The following CNBD1 variants were observed in gnomAD, a reference collection of about 807,000 sequenced individuals.
The protein encoded by CNBD1 is cyclic nucleotide binding domain containing 1.
Under a neutral mutation model 54.4 loss-of-function variants are expected in CNBD1, and 71 were observed. That is an observed-to-expected ratio of 1.30 (90% CI 1.08 to 1.59). The LOEUF (loss-of-function observed/expected upper bound fraction) is 1.59. CNBD1 is among the 40% of genes most tolerant of loss of function. The pLI is 0.00. For missense variants in CNBD1, 659 were observed against 518.0 expected (o/e 1.27, Z -2.64); for synonymous variants, 182 against 170.7 (o/e 1.07, Z -0.51).
chr8:86,976,017 G>T (rs146178549), intron 4 of CNBD1, among the ~76,000 whole-genome samples: 135 of 151,382 alleles, frequency 8.9e-4, no homozygotes, highest in Middle Eastern at 3.4e-3. Context: ...TGTTGACCAC[G>T]CATATTTTTT....
intron 4 of CNBD1, among the ~76,000 whole-genome samples, chr8:86,984,314 C>T (rs35366632): frequency 0.046 from 7,057 of 152,212 alleles, 289 homozygotes; most frequent in East Asian, 0.17. Context: ...AAGTTTGCCA[C>T]AGGGGTGGGG....
chr8:86,916,849 A>G (rs1327818558), intron 3 of CNBD1, among the ~76,000 whole-genome samples: 1 of 148,016 alleles, frequency 6.8e-6, no homozygotes, highest in Non-Finnish European at 1.5e-5. Context: ...GATTACAGGT[A>G]CCCACCACCA....
chr8:87,155,297 A>T (rs577792316), intron 4 of CNBD1, among the ~76,000 whole-genome samples: 1 of 152,258 alleles, frequency 6.6e-6, no homozygotes, highest in South Asian at 2.1e-4. Flanking sequence ...TATCCTGTAG[A>T]TAATTGGGAA....
chr8:87,187,270 ATATC>A (rs942643625), intron 4 of CNBD1, among the ~76,000 whole-genome samples: 5 of 151,954 alleles, frequency 3.3e-5, no homozygotes, highest in East Asian at 3.9e-4. Flanking sequence ...ATTTATTCCT[ATATC>A]TATCTACCTA....
intron 2 of CNBD1, among the ~76,000 whole-genome samples, chr8:87,399,112 T>A (rs1285821930): frequency 6.6e-6 from 1 of 152,232 alleles, no homozygotes; most frequent in Non-Finnish European, 1.5e-5. Flanking sequence ...TATTTCTGTT[T>A]TATTTTCATG....
chr8:87,408,467 T>G lies in CNBD1; in HGVS notation c.214-20079T>G, dbSNP rs368326798. Reference sequence around the variant, plus strand: ...ACAAGTGAAATAACAGAATTCCAACTCACATTACTTAAACTTGATATTCTA... The same window carrying G: ...ACAAGTGAAATAACAGAATTCCAACGCACATTACTTAAACTTGATATTCTA... On this transcript the variant is annotated intron_variant, in intron 2 of 7. Transcript: ENST00000521593. Among the ~76,000 whole-genome samples, 14 of 152,148 alleles carry G rather than the reference T, an allele frequency of 9.2e-5. No homozygotes were observed. The East Asian group carries it at 1.7e-3, about 19-fold the overall frequency.
At chr8:86,872,822 C>A (rs1326148652) in intron 1 of CNBD1, among the ~76,000 whole-genome samples, 3 of 152,074 alleles carry the variant, frequency 2.0e-5, no homozygotes, top group Non-Finnish European at 4.4e-5. Context: ...TTGGATATTA[C>A]CCCCTTATCA....
chr8:87,426,020 G>T (rs940667956), intron 2 of CNBD1, among the ~76,000 whole-genome samples: 1 of 152,218 alleles, frequency 6.6e-6, no homozygotes, highest in African/African-American at 2.4e-5. Flanking sequence ...TAATCTCGTG[G>T]TGCACCGTTT....
rs908609678 is a variant in CNBD1 at position 87,024,003 on chromosome 8, C to T, written c.431+84249C>T. Among the ~76,000 whole-genome samples, 97 of 151,864 alleles carry T rather than the reference C, an allele frequency of 6.4e-4. 1 individual carries two copies. The highest frequency in any genetic ancestry group is 7.9e-4 in the Non-Finnish European group (54 of 67,980). ...CTGTAATCCCAGAACTTTGGGAGGCCGAGGCGGGTGGATCACGAGGTCTGG... is the reference window on the plus strand; with the variant it reads ...CTGTAATCCCAGAACTTTGGGAGGCTGAGGCGGGTGGATCACGAGGTCTGG... On this transcript the variant is annotated intron_variant, in intron 4 of 10. Coordinates refer to ENST00000518476, the MANE Select transcript of CNBD1 (RefSeq NM_173538.3).
At chr8:87,297,952 C>A (rs1354244566) in intron 8 of CNBD1, among the ~76,000 whole-genome samples, 2 of 151,394 alleles carry the variant, frequency 1.3e-5, no homozygotes, top group East Asian at 1.9e-4. Context: ...ATTCTCCCTA[C>A]ATATTCTATA....
intron 4 of CNBD1, among the ~76,000 whole-genome samples, chr8:87,036,250 T>C (rs1809940727): frequency 6.6e-6 from 1 of 152,206 alleles, no homozygotes; most frequent in African/African-American, 2.4e-5. Flanking sequence ...CTTCCTCGTA[T>C]TTTAAAAAAT....
chr8:87,261,986 A>G (rs1204046707), intron 6 of CNBD1, among the ~76,000 whole-genome samples: 19 of 151,446 alleles, frequency 1.3e-4, no homozygotes, highest in Admixed American at 1.2e-3. Context: ...TCTTTACAAA[A>G]AAAAAAAAAA....
At chr8:87,399,552 T>C (rs1807509564) in intron 2 of CNBD1, among the ~76,000 whole-genome samples, 1 of 151,978 alleles carries the variant, frequency 6.6e-6, no homozygotes, top group African/African-American at 2.4e-5. Flanking sequence ...CCTGGATAAT[T>C]TATGAACCTA....
intron 2 of CNBD1, among the ~76,000 whole-genome samples, chr8:87,405,639 C>T (rs1179319075): frequency 6.6e-6 from 1 of 152,032 alleles, no homozygotes; most frequent in African/African-American, 2.4e-5. Context: ...GCAAGAGTAA[C>T]ACATGGAAGG....
intron 4 of CNBD1, among the ~76,000 whole-genome samples, chr8:87,094,051 A>T (rs578034088): frequency 6.6e-6 from 1 of 152,298 alleles, no homozygotes; most frequent in East Asian, 1.9e-4. Flanking sequence ...CTTTGCTGAG[A>T]GTGACATCTA....
chr8:87,150,440 C>T (rs1209179617), intron 4 of CNBD1, among the ~76,000 whole-genome samples: 1 of 152,052 alleles, frequency 6.6e-6, no homozygotes, highest in East Asian at 1.9e-4. Flanking sequence ...TTCTTTGTTT[C>T]TTTTTGAATG....
intron 4 of CNBD1, among the ~76,000 whole-genome samples, chr8:87,127,690 A>C (rs1812021409): frequency 6.6e-6 from 1 of 152,172 alleles, no homozygotes; most frequent in African/African-American, 2.4e-5. Context: ...ATGTTTAACA[A>C]GAGTGATGAG....
At chr8:86,939,841 T>G in intron 4 of CNBD1, 87 bp downstream of exon 4, 1 of 858,582 alleles carries the variant, frequency 1.2e-6, no homozygotes, top group South Asian at 1.9e-5. Context: ...TGTGGGTAAG[T>G]GTACTTTAGT....
intron 6 of CNBD1, among the ~76,000 whole-genome samples, chr8:87,257,205 C>T (rs1342754816): frequency 7.4e-6 from 1 of 135,492 alleles, no homozygotes; most frequent in African/African-American, 3.0e-5. Context: ...CCTGTCTCTA[C>T]TAAAAATAAA....
Sources: gnomAD v4.1 joint callset for allele counts (sites outside exome capture counted in the v4.1 genomes callset) on GRCh38, gnomAD v4.1.1 for gene constraint, MANE v1.5 for transcripts, NCBI Gene and HGNC (gene_info 2026-07-23, HGNC 2026-07-21) for gene names.